ERP44: variants seen among roughly 807,000 people sequenced by gnomAD.
ERP44 encodes endoplasmic reticulum protein 44.
Under a neutral mutation model 53.4 loss-of-function variants are expected in ERP44, and 25 were observed. That is an observed-to-expected ratio of 0.47 (90% CI 0.34 to 0.65). The LOEUF is 0.65. ERP44 is among the 30% of genes least tolerant of loss of function. ERP44 has a pLI of 0.01. For synonymous variants in ERP44, 145 were observed against 161.2 expected (o/e 0.90, Z 0.76); for missense variants, 338 against 493.2 (o/e 0.69, Z 2.98).
At chr9:100,063,923 T>A (rs1430651813) in intron 1 of ERP44, among the ~76,000 whole-genome samples, 2 of 152,196 alleles carry the variant, frequency 1.3e-5, no homozygotes, top group Non-Finnish European at 2.9e-5. Flanking sequence ...GGATCTCATA[T>A]AAAAAGGCAT....
chr9:99,999,059 G>C, intron 10 of ERP44: 1 of 747,574 alleles, frequency 1.3e-6, no homozygotes, highest in Admixed American at 2.0e-5. Flanking sequence ...GCAGGAGGCG[G>C]ATGACCGCCT....
chr9:100,079,453 C>G lies in ERP44; in HGVS notation c.58-19281G>C, dbSNP rs548138165. ...ACACACACACACACACACACACACA[C>G]ACAGACACCCTATTAGTTCTGCTTT... On this transcript the variant is annotated intron_variant, in intron 1 of 11. Transcript: ENST00000262455. Among the ~76,000 whole-genome samples, 17 of 149,930 alleles carry G rather than the reference C, an allele frequency of 1.1e-4. No individual in the cohort carries two copies. The Middle Eastern group carries it at 0.01, about 90-fold the overall frequency.
chr9:100,090,585 C>T (rs937134341), intron 1 of ERP44, among the ~76,000 whole-genome samples: 3 of 152,000 alleles, frequency 2.0e-5, no homozygotes, highest in African/African-American at 7.2e-5. Flanking sequence ...CCCGTCTCTA[C>T]TAAAAACACA....
At chr9:100,097,411 T>G (rs946070377) in intron 1 of ERP44, among the ~76,000 whole-genome samples, 1 of 152,144 alleles carries the variant, frequency 6.6e-6, no homozygotes, top group African/African-American at 2.4e-5. Context: ...ATTTTGTGGA[T>G]AAGATTAGTA....
intron 2 of ERP44, among the ~76,000 whole-genome samples, chr9:100,058,497 A>G (rs1019559577): frequency 2.6e-5 from 4 of 152,244 alleles, no homozygotes; most frequent in African/African-American, 9.6e-5. Flanking sequence ...GATCTTCCAT[A>G]TTCATGAATA....
At chr9:100,078,284 T>C (rs1234030037) in intron 1 of ERP44, among the ~76,000 whole-genome samples, 5 of 143,180 alleles carry the variant, frequency 3.5e-5, no homozygotes, top group African/African-American at 5.2e-5. Flanking sequence ...GTGGTGAAAC[T>C]CTCTCTCTAC....
At chr9:100,061,067 T>G (rs2118718315) in intron 1 of ERP44, among the ~76,000 whole-genome samples, 1 of 152,328 alleles carries the variant, frequency 6.6e-6, no homozygotes, top group East Asian at 1.9e-4. Context: ...CTCAAAACTT[T>G]TATAATTCAC....
chr9:100,052,680 C>T (rs1447350569), intron 3 of ERP44, 148 bp from the exon 4 acceptor site: 7 of 531,748 alleles, frequency 1.3e-5, no homozygotes, highest in African/African-American at 5.8e-5. Context: ...ACCCTGACAT[C>T]GTTCAATGGA....
chr9:100,013,119 G>C (rs537795374), intron 8 of ERP44, among the ~76,000 whole-genome samples: 28 of 152,280 alleles, frequency 1.8e-4, no homozygotes, highest in African/African-American at 6.3e-4. Flanking sequence ...TAAGATCTAA[G>C]AGCTGGAAGC....
intron 8 of ERP44, among the ~76,000 whole-genome samples, chr9:100,013,677 G>A (rs1242570986): frequency 2.6e-5 from 4 of 152,182 alleles, no homozygotes; most frequent in Non-Finnish European, 5.9e-5. Flanking sequence ...GGAGCAATGT[G>A]AACTTTGATA....
At chr9:99,995,844 A>G (rs1830303918) in intron 10 of ERP44, among the ~76,000 whole-genome samples, 1 of 151,312 alleles carries the variant, frequency 6.6e-6, no homozygotes, top group Non-Finnish European at 1.5e-5. Flanking sequence ...AGGAGTGCAG[A>G]TATTTCTTCA....
chr9:99,979,229 C>G lies in ERP44; in HGVS notation c.*3383G>C, dbSNP rs1587950471. 7.6e-6 allele frequency: 1 copy of G among 131,564 alleles called. No individual in the cohort carries two copies. 8.1% of individuals were successfully genotyped at this position (131,564 alleles called of 1,614,324 possible). Reference sequence around the variant, plus strand: ...TTTTATTTTGGTCCAGCCATATCTCCTTGTAGGAGAAAAAAAACTGAGTTA... The same window carrying G: ...TTTTATTTTGGTCCAGCCATATCTCGTTGTAGGAGAAAAAAAACTGAGTTA... On this transcript the variant is annotated 3_prime_UTR_variant, in exon 12 of 12. Transcript: ENST00000262455.
chr9:100,029,342 A>G (rs529373965), intron 4 of ERP44, among the ~76,000 whole-genome samples: 7 of 152,354 alleles, frequency 4.6e-5, no homozygotes, highest in African/African-American at 2.4e-5. Flanking sequence ...ACAAAATCCT[A>G]TTTTAAAAAG....
At chr9:99,998,757 C>A (rs1171866555) in intron 10 of ERP44, 7 of 764,628 alleles carry the variant, frequency 9.2e-6, no homozygotes, top group Non-Finnish European at 1.4e-5. Context: ...TTCCCGCAAA[C>A]GTTTCTTTTC....
intron 10 of ERP44, among the ~76,000 whole-genome samples, chr9:99,994,026 A>G (rs1830284247): frequency 6.6e-6 from 1 of 152,202 alleles, no homozygotes; most frequent in South Asian, 2.1e-4. Flanking sequence ...GGATGTGGAG[A>G]AATAGGAACG....
At chr9:100,080,245 G>A (rs2118747278) in intron 1 of ERP44, among the ~76,000 whole-genome samples, 1 of 152,280 alleles carries the variant, frequency 6.6e-6, no homozygotes, top group South Asian at 2.1e-4. Context: ...CGCTTGCTAT[G>A]ACAGAGAGCT....
At chr9:100,007,752 AG>A in intron 8 of ERP44, 63 bp from the exon 9 acceptor site, 1 of 919,564 alleles carries the variant, frequency 1.1e-6, no homozygotes, top group Non-Finnish European at 1.8e-6. Flanking sequence ...GCTATTTTCT[AG>A]GTAGGAACAA....
intron 10 of ERP44, among the ~76,000 whole-genome samples, chr9:99,986,232 C>T (rs565931786): frequency 7.9e-5 from 12 of 152,244 alleles, no homozygotes; most frequent in Middle Eastern, 3.4e-3. Flanking sequence ...ATCTGTCTAC[C>T]TGTTTGTTCT....
chr9:99,991,704 C>CA (rs1270219025), intron 10 of ERP44, among the ~76,000 whole-genome samples: 13 of 151,960 alleles, frequency 8.6e-5, no homozygotes, highest in African/African-American at 2.7e-4. Context: ...AAAACCCCTT[C>CA]AAAAAAATCA....
Sources: allele counts gnomAD v4.1 joint callset (sites outside exome capture counted in the v4.1 genomes callset), GRCh38; gene constraint gnomAD v4.1.1; transcripts MANE v1.5; gene names NCBI Gene and HGNC (gene_info 2026-07-23, HGNC 2026-07-21).